The following BRWD1 variants were observed in gnomAD, a reference collection of about 807,000 sequenced individuals.
The protein encoded by BRWD1 is bromodomain and WD repeat-containing protein 1.
Under a neutral mutation model 251.2 loss-of-function variants are expected in BRWD1, and 82 were observed. The ratio of observed to expected loss-of-function variants is 0.33; its 90% CI spans 0.27 to 0.39. The LOEUF (loss-of-function observed/expected upper bound fraction) is 0.39. Among genes scored for constraint, BRWD1 ranks in the 10% least tolerant of loss-of-function variants. The pLI, the probability that BRWD1 is intolerant of heterozygous loss-of-function variation, is 1.00. For synonymous variants in BRWD1, 918 were observed against 902.8 expected, an observed-to-expected ratio of 1.02 and a Z score of -0.30; for missense variants, 2,233 against 2,711.6, an observed-to-expected ratio of 0.82 and a Z score of 3.92.
chr21:39,194,010 T>C lies in BRWD1; in HGVS notation c.*2249A>G. The C allele has an allele frequency of 1.0e-6, 1 of 985,560 alleles. No individual in the cohort carries two copies. Among genetic ancestry groups the C allele is most frequent in the Non-Finnish European group, 1.2e-6 (1 of 829,720 alleles). 61.1% of individuals were successfully genotyped at this position (985,560 alleles called of 1,614,324 possible). A position where few individuals can be genotyped will look rare whatever the true frequency, so the allele number is the denominator to read the frequency against. On this transcript the variant is annotated 3_prime_UTR_variant, in exon 41 of 41. Transcript: ENST00000342449. The stretch of plus-strand genomic sequence containing the variant: ...AAGCTACCATTGTCGGCTATGCTTT[T>C]AAAGACATCAGGTCCATTCTTGCTG...
intron 25 of BRWD1, 53 bp downstream of exon 25, chr21:39,232,124 T>C: frequency 2.3e-6 from 3 of 1,307,908 alleles, no homozygotes; most frequent in Non-Finnish European, 3.3e-6. Context: ...TGTAAGTAAT[T>C]TAACTATGTA....
chr21:39,190,829 A>G lies in BRWD1; in HGVS notation c.*5430T>C, dbSNP rs774991758. The G allele has an allele frequency of 7.1e-6, 7 of 985,374 alleles. No homozygotes were observed. The highest frequency in any genetic ancestry group is 8.4e-6 in the Non-Finnish European group (7 of 829,900). 61.0% of individuals were successfully genotyped at this position (985,374 alleles called of 1,614,324 possible). On this transcript the variant is annotated 3_prime_UTR_variant, in exon 41 of 41. Coordinates refer to ENST00000342449, the MANE Select transcript of BRWD1 (RefSeq NM_033656.4). ...GCATCAGGTCAAAAGACCATCAGAAATAATTCCATGAACTAGTTCATTAGC... is the reference window on the plus strand; with the variant it reads ...GCATCAGGTCAAAAGACCATCAGAAGTAATTCCATGAACTAGTTCATTAGC...
chr21:39,243,004 C>A (rs2034055252), intron 21 of BRWD1, among the ~76,000 whole-genome samples: 1 of 152,150 alleles, frequency 6.6e-6, no homozygotes, highest in Non-Finnish European at 1.5e-5. Flanking sequence ...TGTTTTCATG[C>A]CTGCTAACAC....
chr21:39,290,993 G>T (rs2035791139), intron 8 of BRWD1, among the ~76,000 whole-genome samples: 1 of 152,084 alleles, frequency 6.6e-6, no homozygotes, highest in Non-Finnish European at 1.5e-5. Context: ...GCCGGGGTTG[G>T]TAAGCACACA....
intron 15 of BRWD1, among the ~76,000 whole-genome samples, chr21:39,268,128 T>C (rs2146664666): frequency 6.6e-6 from 1 of 152,252 alleles, no homozygotes; most frequent in African/African-American, 2.4e-5. Flanking sequence ...GGGTAAAAAT[T>C]TAATGAGAAA....
At chr21:39,203,434 GGTTCTTTT>G (rs1359580729) in intron 37 of BRWD1, among the ~76,000 whole-genome samples, 2,313 of 64,280 alleles carry the variant, frequency 0.036, 84 homozygotes, top group African/African-American at 0.11. Context: ...GCAAGACCCT[GGTTCTTTT>G]TTTTTTTTTT....
chr21:39,251,145 C>T lies in BRWD1; in HGVS notation c.2256-256G>A, dbSNP rs562554919. Among the ~76,000 whole-genome samples, 18 of 152,250 alleles carry T rather than the reference C, an allele frequency of 1.2e-4. No individual in the cohort carries two copies. In the East Asian group the frequency reaches 3.1e-3, roughly 26 times the overall value. On this transcript the variant is annotated intron_variant, in intron 19 of 40. Coordinates refer to ENST00000342449, the MANE Select transcript of BRWD1 (RefSeq NM_033656.4). ...TTGGTACTATCAGGACCAATTCAAA[C>T]AGAATCTCCCATAATAGCTTTTCAA...
rs528949510 is a variant in BRWD1 at position 39,257,755 on chromosome 21, A to G, written c.2071+732T>C. Among the ~76,000 whole-genome samples the G allele has an allele frequency of 2.6e-5, 4 of 152,278 alleles. No homozygotes were observed. The East Asian group carries it at 7.7e-4, about 29-fold the overall frequency. ...ATGAAGCATTAAGATATAAAGTGTC[A>G]CAAGTCTTACTTTCAAATGCTTCTG... On this transcript the variant is annotated intron_variant, in intron 18 of 40. Coordinates refer to ENST00000342449, the MANE Select transcript of BRWD1 (RefSeq NM_033656.4).
chr21:39,291,587 A>C (rs1227025478), intron 8 of BRWD1, among the ~76,000 whole-genome samples: 1 of 152,192 alleles, frequency 6.6e-6, no homozygotes, highest in Admixed American at 6.5e-5. Context: ...GTCTAAAAAA[A>C]CTAAAACAAG....
chr21:39,274,753 G>A (rs2035226965), intron 12 of BRWD1, among the ~76,000 whole-genome samples: 1 of 152,148 alleles, frequency 6.6e-6, no homozygotes, highest in Non-Finnish European at 1.5e-5. Flanking sequence ...TAAGAATGCT[G>A]AGAAGAGGCA....
intron 29 of BRWD1, among the ~76,000 whole-genome samples, chr21:39,223,855 G>A (rs2033275645): frequency 6.6e-6 from 1 of 152,072 alleles, no homozygotes; most frequent in African/African-American, 2.4e-5. Context: ...TAAATTTTTT[G>A]TTTTGTTTTT....
chr21:39,212,826 T>A lies in BRWD1; in HGVS notation c.3859-119A>T, dbSNP rs114138897. The A allele has an allele frequency of 4.6e-3, 3,097 of 671,200 alleles. 73 individuals are homozygous for A. In the African/African-American group the frequency reaches 0.052, roughly 11 times the overall value. The allele number at this position is 671,200 out of a possible 1,614,324, so 41.6% of individuals were successfully genotyped here. A position where few individuals can be genotyped will look rare whatever the true frequency, so the allele number is the denominator to read the frequency against. ...TTACCAGAGTTATAACATGTTATTA[T>A]CAAAATCTCCAAAGAAAGACTACCA... is the stretch of plus-strand genomic sequence containing the variant. On this transcript the variant is annotated intron_variant, in intron 33 of 40. Transcript: ENST00000342449.
At chr21:39,288,484 T>C (rs1299350904) in intron 8 of BRWD1, among the ~76,000 whole-genome samples, 1 of 152,212 alleles carries the variant, frequency 6.6e-6, no homozygotes, top group Non-Finnish European at 1.5e-5. Flanking sequence ...TTCTTAAATG[T>C]CTATTGTGAT....
intron 21 of BRWD1, among the ~76,000 whole-genome samples, chr21:39,247,405 A>G (rs1311561099): frequency 6.6e-6 from 1 of 152,194 alleles, no homozygotes; most frequent in Non-Finnish European, 1.5e-5. Flanking sequence ...AAAATCCAAA[A>G]TCTGAAATGC....
In BRWD1 at chr21:39,195,555, A is replaced by G. The variant is rs1287658143; in HGVS notation, c.*704T>C. 1 of 984,750 alleles carries G rather than the reference A, an allele frequency of 1.0e-6. No homozygotes were observed. The highest frequency in any genetic ancestry group is 1.7e-5 in the African/African-American group (1 of 57,218). 61.0% of individuals were successfully genotyped at this position (984,750 alleles called of 1,614,324 possible). A position where few individuals can be genotyped will look rare whatever the true frequency, so the allele number is the denominator to read the frequency against. ...ACTATGCTCTGGTCCTAGAGGTTTA[A>G]AACATGCACTCAAATCATTAAAAAT... On this transcript the variant is annotated 3_prime_UTR_variant, in exon 41 of 41. Transcript: ENST00000342449.
At chr21:39,313,787 G>A, upstream of BRWD1, 1 of 381,718 alleles carries the variant, frequency 2.6e-6, no homozygotes, top group South Asian at 3.1e-5. Context: ...CCGGGGACTC[G>A]ATGAGGAGAA....
upstream of BRWD1, among the ~76,000 whole-genome samples, chr21:39,315,274 G>A (rs1042248398): frequency 1.3e-5 from 2 of 151,924 alleles, no homozygotes; most frequent in African/African-American, 2.4e-5. Flanking sequence ...GAAGTGCTGG[G>A]GATTACATGC....
intron 17 of BRWD1, 84 bp from the exon 18 acceptor site, chr21:39,258,756 T>A: frequency 1.1e-6 from 1 of 894,070 alleles, no homozygotes; most frequent in Non-Finnish European, 1.6e-6. Context: ...TAAAATACAT[T>A]AACAATGGTC....
At chr21:39,221,544 A>T (rs1309423800) in intron 29 of BRWD1, among the ~76,000 whole-genome samples, 2 of 152,188 alleles carry the variant, frequency 1.3e-5, no homozygotes, top group African/African-American at 4.8e-5. Flanking sequence ...AACAAAAAAA[A>T]TCCAGAAAAG....
Sources: allele counts gnomAD v4.1 joint callset (sites outside exome capture counted in the v4.1 genomes callset), GRCh38; gene constraint gnomAD v4.1.1; transcripts MANE v1.5; gene names NCBI Gene and HGNC (gene_info 2026-07-23, HGNC 2026-07-21).